The following KCND2 variants were observed in gnomAD, a reference collection of about 807,000 sequenced individuals.
KCND2 encodes potassium voltage-gated channel subfamily D member 2.
In KCND2, 16 loss-of-function variants were observed where a neutral mutation model predicts 54.4. The observed-to-expected ratio is 0.29, with a 90% CI of 0.20 to 0.45. KCND2 has a LOEUF of 0.45. Ranked by LOEUF, KCND2 falls within the 20% of genes least tolerant of loss-of-function variation. The probability of loss-of-function intolerance (pLI) is 1.00; values close to 1 mark genes in which losing one functional copy is unlikely to be tolerated. For missense variants in KCND2, 486 were observed against 824.2 expected (o/e 0.59, Z 5.02); for synonymous variants, 317 against 310.7 (o/e 1.02, Z -0.21).
intron 1 of KCND2, among the ~76,000 whole-genome samples, chr7:120,731,054 A>G (rs545090056): frequency 8.5e-5 from 13 of 152,158 alleles, no homozygotes; most frequent in Non-Finnish European, 1.5e-4. Flanking sequence ...TAACTTCGGC[A>G]ATAGTAAGAT....
intron 1 of KCND2, among the ~76,000 whole-genome samples, chr7:120,436,238 A>G (rs918824370): frequency 1.2e-4 from 19 of 152,354 alleles, no homozygotes; most frequent in African/African-American, 3.6e-4. Context: ...GTGAAGTATG[A>G]CATGGAGTAA....
At chr7:120,662,923 G>A (rs570096654) in intron 1 of KCND2, among the ~76,000 whole-genome samples, 46 of 152,238 alleles carry the variant, frequency 3.0e-4, no homozygotes, top group African/African-American at 8.7e-4. Flanking sequence ...CTAGGAAAAC[G>A]TTTCAACAGA....
chr7:120,702,132 C>A (rs1792410222), intron 1 of KCND2, among the ~76,000 whole-genome samples: 1 of 151,796 alleles, frequency 6.6e-6, no homozygotes, highest in African/African-American at 2.4e-5. Context: ...AAAAAGTGGG[C>A]AAAGGACATG....
intron 1 of KCND2, among the ~76,000 whole-genome samples, chr7:120,562,315 C>T (rs957492086): frequency 2.0e-5 from 3 of 152,064 alleles, no homozygotes; most frequent in East Asian, 1.9e-4. Flanking sequence ...AACATGAGAA[C>T]GTTATATGAG....
intron 1 of KCND2, among the ~76,000 whole-genome samples, chr7:120,688,215 G>A (rs538405790): frequency 6.6e-6 from 1 of 151,998 alleles, no homozygotes; most frequent in Non-Finnish European, 1.5e-5. Context: ...CTATACTAAG[G>A]GTCTACAAAC....
chr7:120,608,866 T>A (rs1351795438), intron 1 of KCND2, among the ~76,000 whole-genome samples: 9 of 152,124 alleles, frequency 5.9e-5, no homozygotes, highest in Non-Finnish European at 1.5e-5. Flanking sequence ...GCTTTTATGA[T>A]TAAATTGTCT....
At chr7:120,603,378 C>T (rs559113295) in intron 1 of KCND2, among the ~76,000 whole-genome samples, 1 of 152,304 alleles carries the variant, frequency 6.6e-6, no homozygotes, top group Admixed American at 6.5e-5. Flanking sequence ...GCTGCACCTA[C>T]ATGTGCTGGA....
chr7:120,519,156 C>T (rs190294699), intron 1 of KCND2, among the ~76,000 whole-genome samples: 31 of 152,016 alleles, frequency 2.0e-4, no homozygotes, highest in Non-Finnish European at 4.1e-4. Flanking sequence ...GGTGAAAACC[C>T]TTCTCTACTA....
intron 1 of KCND2, among the ~76,000 whole-genome samples, chr7:120,599,852 G>T (rs1204995435): frequency 1.3e-5 from 2 of 152,010 alleles, no homozygotes; most frequent in East Asian, 3.9e-4. Flanking sequence ...AGTGAGTGCA[G>T]ACATTTTTGC....
intron 1 of KCND2, among the ~76,000 whole-genome samples, chr7:120,470,085 T>C (rs1802432531): frequency 6.6e-6 from 1 of 152,102 alleles, no homozygotes; most frequent in African/African-American, 2.4e-5. Context: ...AGACATGATA[T>C]CTAAAATTGC....
At chr7:120,299,578 A>G (rs1424131225) in intron 1 of KCND2, among the ~76,000 whole-genome samples, 1 of 152,224 alleles carries the variant, frequency 6.6e-6, no homozygotes, top group Non-Finnish European at 1.5e-5. Context: ...TTTCTCAAAT[A>G]AAATTGATAT....
intron 1 of KCND2, among the ~76,000 whole-genome samples, chr7:120,622,896 C>T (rs1034614073): frequency 4.6e-5 from 7 of 152,030 alleles, no homozygotes; most frequent in African/African-American, 1.7e-4. Flanking sequence ...TATTTAGTGA[C>T]TTCAATCCAT....
At chr7:120,335,975 A>G (rs893457193) in intron 1 of KCND2, among the ~76,000 whole-genome samples, 24 of 152,226 alleles carry the variant, frequency 1.6e-4, no homozygotes, top group African/African-American at 4.8e-4. Flanking sequence ...CAAATAAGCA[A>G]TATCACAAAT....
intron 1 of KCND2, among the ~76,000 whole-genome samples, chr7:120,696,300 G>T (rs1384501282): frequency 6.6e-6 from 1 of 152,126 alleles, no homozygotes. Context: ...TGATCTGAAG[G>T]CTAAATGAGC....
chr7:120,730,238 C>T lies in KCND2; in HGVS notation c.1116-2665C>T, dbSNP rs117113757. Among the ~76,000 whole-genome samples, 624 of 151,938 alleles carry T rather than the reference C, an allele frequency of 4.1e-3. 4 individuals are homozygous for T. Among genetic ancestry groups the T allele is most frequent in the Non-Finnish European group, 5.1e-3 (348 of 67,936 alleles). On this transcript the variant is annotated intron_variant, in intron 1 of 5. Coordinates refer to ENST00000331113, the MANE Select transcript of KCND2 (RefSeq NM_012281.3). ...TAAAAGCCGTGTGTGTGTGTGCGCGCGTGCGTGTGTGTGTCTGTGTATGTA... is the reference window on the plus strand; with the variant it reads ...TAAAAGCCGTGTGTGTGTGTGCGCGTGTGCGTGTGTGTGTCTGTGTATGTA...
At chr7:120,644,313 T>A (rs1793411851) in intron 1 of KCND2, among the ~76,000 whole-genome samples, 1 of 152,064 alleles carries the variant, frequency 6.6e-6, no homozygotes, top group South Asian at 2.1e-4. Context: ...AGAACTCAGC[T>A]CCATTTCCGA....
At chr7:120,694,597 A>G (rs547115482) in intron 1 of KCND2, among the ~76,000 whole-genome samples, 2 of 152,258 alleles carry the variant, frequency 1.3e-5, no homozygotes, top group South Asian at 4.2e-4. Flanking sequence ...GCCTCCAATT[A>G]TGAAATGACT....
intron 1 of KCND2, among the ~76,000 whole-genome samples, chr7:120,560,064 A>G (rs947182155): frequency 2.0e-5 from 3 of 152,302 alleles, no homozygotes; most frequent in Admixed American, 6.5e-5. Context: ...CATAATGTGA[A>G]TGTTTTTCAT....
chr7:120,411,657 T>C (rs1801451719), intron 1 of KCND2, among the ~76,000 whole-genome samples: 1 of 151,974 alleles, frequency 6.6e-6, no homozygotes, highest in African/African-American at 2.4e-5. Flanking sequence ...AGAAAGTATA[T>C]GAAAATATAC....
Sources: gnomAD v4.1 joint callset for allele counts (sites outside exome capture counted in the v4.1 genomes callset) on GRCh38, gnomAD v4.1.1 for gene constraint, MANE v1.5 for transcripts, NCBI Gene and HGNC (gene_info 2026-07-23, HGNC 2026-07-21) for gene names.